Variants in ZNF618 observed in about 807,000 individuals in gnomAD.
ZNF618 encodes zinc finger protein 618.
ZNF618 carries 34 observed loss-of-function variants against 103.0 expected under a neutral mutation model. That is an observed-to-expected ratio of 0.33 (90% CI 0.25 to 0.44). The LOEUF is 0.44. ZNF618 is among the 20% of genes least tolerant of loss of function. The pLI, the probability that ZNF618 is intolerant of heterozygous loss-of-function variation, is 1.00. For synonymous variants in ZNF618, 551 were observed against 542.2 expected (o/e 1.02, Z -0.23); for missense variants, 1,059 against 1,295.4 (o/e 0.82, Z 2.80).
chr9:113,944,268 T>G (rs1834805617), intron 1 of ZNF618, among the ~76,000 whole-genome samples: 1 of 152,160 alleles, frequency 6.6e-6, no homozygotes, highest in Non-Finnish European at 1.5e-5. Flanking sequence ...AAATAAATCT[T>G]TTGTTTAAAA....
chr9:114,050,038 G>T lies in ZNF618; in HGVS notation c.2736G>T (p.Ala912=). ...CCAAGCTCGCCTTCTGGCTCCTGGC[G>T]GTTCCGGCCGTGGGCGCCAGAAGCG... ...KLAKLAFWLL[A]VPAVGARSGC... is the part of the protein sequence containing the mutation. Residue 912 remains alanine, a synonymous_variant, in exon 15 of 15, where the codon GCG becomes GCT. Coordinates refer to ENST00000374126, the MANE Select transcript of ZNF618 (RefSeq NM_001318042.2). 6.2e-7 allele frequency: 1 copy of T among 1,613,840 alleles called. No homozygotes were observed. Among genetic ancestry groups the T allele is most frequent in the Admixed American group, 1.7e-5 (1 of 60,030 alleles).
chr9:114,032,504 A>G (rs2116407), intron 11 of ZNF618, 141 bp from the exon 12 acceptor site: 346,009 of 732,608 alleles, frequency 0.47, 86,704 homozygotes, highest in African/African-American at 0.73. Flanking sequence ...TCCTGGGGAG[A>G]TCTGGCTTGA....
chr9:113,956,256 G>T (rs1252669819), intron 1 of ZNF618, among the ~76,000 whole-genome samples: 1 of 131,382 alleles, frequency 7.6e-6, no homozygotes, highest in African/African-American at 2.9e-5. Flanking sequence ...CATTGGACTA[G>T]ATTAGAGGGG....
At chr9:114,048,554 A>C in intron 14 of ZNF618, 97 bp from the exon 15 acceptor site, 1 of 1,304,942 alleles carries the variant, frequency 7.7e-7, no homozygotes, top group South Asian at 1.4e-5. Context: ...TATATTTGCC[A>C]TTCCCAATAC....
chr9:114,019,293 C>T (rs1842889560), intron 10 of ZNF618, among the ~76,000 whole-genome samples: 2 of 152,166 alleles, frequency 1.3e-5, no homozygotes, highest in African/African-American at 4.8e-5. Context: ...ATAAATAAAG[C>T]TGCTATGAAA....
At chr9:113,986,684 G>A (rs1482807299) in intron 2 of ZNF618, among the ~76,000 whole-genome samples, 1 of 152,146 alleles carries the variant, frequency 6.6e-6, no homozygotes, top group Non-Finnish European at 1.5e-5. Flanking sequence ...TTCAGATCCA[G>A]TCACACTGGG....
intron 9 of ZNF618, among the ~76,000 whole-genome samples, chr9:114,010,855 T>G (rs1218402901): frequency 1.3e-5 from 2 of 152,334 alleles, no homozygotes; most frequent in East Asian, 1.9e-4. Context: ...TCCAACCGTG[T>G]CATTTTCCTT....
rs1587895159 is a variant in ZNF618, at chr9:113,876,427, C to T, written c.33+14C>T. 3 of 1,201,704 alleles carry T rather than the reference C, an allele frequency of 2.5e-6. No homozygotes were observed. Among genetic ancestry groups the T allele is most frequent in the East Asian group, 3.4e-5 (1 of 29,162 alleles). 74.4% of individuals were successfully genotyped at this position (1,201,704 alleles called of 1,614,324 possible). ...GCGGCTCCGCAGGTACGACGGGGGG[C>T]CGGGGGCATGCACCGCGCGGGGGAC... On this transcript the variant is annotated intron_variant, in intron 1 of 14. Transcript: ENST00000374126.
Position 114,051,094 on chromosome 9 carries a change from G to A in ZNF618, c.*927G>A, listed in dbSNP as rs1846106184. On this transcript the variant is annotated 3_prime_UTR_variant, in exon 15 of 15. Coordinates refer to ENST00000374126, the MANE Select transcript of ZNF618 (RefSeq NM_001318042.2). ...TTTAGCAATTTTTACCTTGTTTGGG[G>A]GTTCATTTTGTTTCTTCAGATTTGA... 6.6e-6 allele frequency: 1 copy of A among 152,524 alleles called. No homozygotes were observed. The highest frequency in any genetic ancestry group is 2.4e-5 in the African/African-American group (1 of 41,382). 9.4% of individuals were successfully genotyped at this position (152,524 alleles called of 1,614,324 possible).
chr9:114,017,723 A>T (rs1484219489), intron 10 of ZNF618, among the ~76,000 whole-genome samples: 6 of 152,088 alleles, frequency 3.9e-5, no homozygotes, highest in Admixed American at 3.9e-4. Flanking sequence ...TTTGGTCCAA[A>T]CAGAGAGGGA....
rs1194519957 is a variant in ZNF618 at position 114,049,356 on chromosome 9, T to C, written c.2054T>C (p.Leu685Pro). ...TGLAKETFGSLEETSPPPCWN... is the reference protein window; with the variant it reads ...TGLAKETFGSPEETSPPPCWN... ...CTGGCCAAGGAGACCTTCGGGTCGC[T>C]GGAGGAGACGTCTCCACCACCCTGC... The change falls in exon 15 of 15, where the codon CTG becomes CCG. Residue 685 changes from leucine (L) to proline (P), a missense_variant. Physicochemically the swap from Leu to Pro is moderately conservative, Grantham distance 98. Transcript: ENST00000374126. 4 of 1,609,254 alleles carry C rather than the reference T, an allele frequency of 2.5e-6. No homozygotes were observed. Among genetic ancestry groups the C allele is most frequent in the Non-Finnish European group, 3.4e-6 (4 of 1,178,388 alleles).
chr9:113,952,272 G>C (rs1016987234), intron 1 of ZNF618, among the ~76,000 whole-genome samples: 1 of 152,202 alleles, frequency 6.6e-6, no homozygotes, highest in African/African-American at 2.4e-5. Context: ...TTTAGGAAGG[G>C]CTGGGATCTT....
intron 1 of ZNF618, among the ~76,000 whole-genome samples, chr9:113,919,574 A>T (rs537481739): frequency 2.6e-5 from 4 of 152,314 alleles, no homozygotes; most frequent in African/African-American, 7.2e-5. Context: ...TAGCCTTTTC[A>T]TAGTCAGGAG....
At chr9:113,909,156 A>C (rs1401797561) in intron 1 of ZNF618, among the ~76,000 whole-genome samples, 1 of 151,874 alleles carries the variant, frequency 6.6e-6, no homozygotes, top group African/African-American at 2.4e-5. Context: ...GAGGTGCCTC[A>C]TTTGGAAAAG....
chr9:113,878,771 A>G (rs1318476043), intron 1 of ZNF618, among the ~76,000 whole-genome samples: 1 of 152,218 alleles, frequency 6.6e-6, no homozygotes, highest in Non-Finnish European at 1.5e-5. Context: ...TTTGCCAGCC[A>G]CTAGCTGGTC....
chr9:113,999,315 T>C (rs1840945786), intron 4 of ZNF618, among the ~76,000 whole-genome samples: 1 of 149,506 alleles, frequency 6.7e-6, no homozygotes, highest in African/African-American at 2.5e-5. Flanking sequence ...GGCGGGGCCC[T>C]GGGTTTTAGG....
At chr9:113,909,140 G>A (rs893687159) in intron 1 of ZNF618, among the ~76,000 whole-genome samples, 5 of 151,972 alleles carry the variant, frequency 3.3e-5, no homozygotes, top group Non-Finnish European at 7.4e-5. Context: ...CTCTCTCTCT[G>A]AGCTTGAGGT....
At chr9:113,963,693 A>G (rs1347337573) in intron 1 of ZNF618, among the ~76,000 whole-genome samples, 1 of 152,248 alleles carries the variant, frequency 6.6e-6, no homozygotes, top group Non-Finnish European at 1.5e-5. Context: ...ATGATTGCCA[A>G]TGCACCATTC....
Position 114,049,751 on chromosome 9 carries a change from G to A in ZNF618, c.2449G>A (p.Val817Met). ...GGACCCGCAGCAGAAGCTGCGGCCT[G>A]TGCCACCCTACCAGCACGAGGAGAT... ...ILDPQQKLRP[V>M]PPYQHEEIIG... The change falls in exon 15 of 15, where the codon GTG becomes ATG. Residue 817 changes from valine to methionine, a missense_variant. Physicochemically the swap from Val to Met is conservative, Grantham distance 21. Transcript: ENST00000374126. 1.2e-6 allele frequency: 2 copies of A among 1,613,966 alleles called. No homozygotes were observed. Among genetic ancestry groups the A allele is most frequent in the South Asian group, 1.1e-5 (1 of 91,088 alleles).
Sources: gnomAD v4.1 joint callset for allele counts (sites outside exome capture counted in the v4.1 genomes callset) on GRCh38, gnomAD v4.1.1 for gene constraint, MANE v1.5 for transcripts, NCBI Gene and HGNC (gene_info 2026-07-23, HGNC 2026-07-21) for gene names.